RAB3GAP2: variants seen among roughly 807,000 people sequenced by gnomAD.
RAB3GAP2 encodes the protein rab3 GTPase-activating protein non-catalytic subunit.
In RAB3GAP2, 87 loss-of-function variants were observed where a neutral mutation model predicts 185.3. The observed-to-expected ratio is 0.47, with a 90% CI of 0.39 to 0.56. The LOEUF (loss-of-function observed/expected upper bound fraction) is 0.56. Among genes scored for constraint, RAB3GAP2 ranks in the 20% least tolerant of loss-of-function variants. RAB3GAP2 has a pLI of 0.00. For missense variants in RAB3GAP2, 1,492 were observed against 1,638.2 expected, an observed-to-expected ratio of 0.91 and a Z score of 1.54; for synonymous variants, 554 against 576.1, an observed-to-expected ratio of 0.96 and a Z score of 0.55.
intron 24 of RAB3GAP2, 30 bp downstream of exon 24, chr1:220,170,862 A>G (rs1007701131): frequency 2.6e-6 from 4 of 1,550,566 alleles, no homozygotes; most frequent in Non-Finnish European, 3.6e-6. Context: ...AAAAAAATGG[A>G]TGCAAATGCT....
chr1:220,228,800 T>C (rs377465738), intron 2 of RAB3GAP2, among the ~76,000 whole-genome samples: 10 of 152,356 alleles, frequency 6.6e-5, no homozygotes, highest in South Asian at 2.1e-4. Context: ...TCAACAATTT[T>C]CACTTGCTGT....
intron 2 of RAB3GAP2, among the ~76,000 whole-genome samples, chr1:220,231,820 G>A (rs1659505931): frequency 6.6e-6 from 1 of 152,204 alleles, no homozygotes; most frequent in African/African-American, 2.4e-5. Context: ...GAAGAAACAT[G>A]TTGTCCACAC....
At chr1:220,241,762 ATTAGTCAC>A (rs1659701163) in intron 1 of RAB3GAP2, among the ~76,000 whole-genome samples, 1 of 152,074 alleles carries the variant, frequency 6.6e-6, no homozygotes, top group Non-Finnish European at 1.5e-5. Context: ...TAAATTTCAT[ATTAGTCAC>A]TTAGTCACTT....
chr1:220,199,069 G>A (rs149922736), intron 9 of RAB3GAP2, among the ~76,000 whole-genome samples: 52 of 152,212 alleles, frequency 3.4e-4, no homozygotes, highest in Middle Eastern at 3.4e-3. Flanking sequence ...AACAGGGAGG[G>A]GAACCCTACA....
chr1:220,171,899 G>T lies in RAB3GAP2; in HGVS notation c.2567C>A (p.Thr856Lys). 2 of 1,613,868 alleles carry T rather than the reference G, an allele frequency of 1.2e-6. No individual in the cohort carries two copies. Among genetic ancestry groups the T allele is most frequent in the Non-Finnish European group, 1.7e-6 (2 of 1,179,980 alleles). The stretch of plus-strand genomic sequence containing the variant: ...CCTTTACCCACTTACTTTTTTCTCT[G>T]TCATGTTGTTTGATATCTGTGCAGC... ...SVAAQISNNM[T>K]EKKFSQTVLG... Residue 856 changes from threonine to lysine, a missense_variant, in exon 23 of 35, where the codon ACA becomes AAA. Thr to Lys is a moderately conservative substitution (Grantham distance 78). Transcript: ENST00000358951.
In RAB3GAP2 at chr1:220,182,313, T is replaced by C; in HGVS notation, c.2254A>G (p.Thr752Ala). 2 of 1,614,056 alleles carry C rather than the reference T, an allele frequency of 1.2e-6. No individual in the cohort carries two copies. The highest frequency in any genetic ancestry group is 1.7e-6 in the Non-Finnish European group (2 of 1,179,968). ...TCCAAAGTGTGACACATATCCTCAG[T>C]GGAGCTTTCTCCATGCAAACACTTC... Reference protein sequence around the residue: ...FWKCLHGESSTEDMCHTLESA... With the variant: ...FWKCLHGESSAEDMCHTLESA... Residue 752 changes from threonine to alanine, a missense_variant, in exon 21 of 35, where the codon ACT becomes GCT. Thr to Ala is a moderately conservative substitution (Grantham distance 58, BLOSUM62 0). Around this residue, in one of 5 missense-constraint regions of RAB3GAP2, gnomAD observed 681 missense variants for 689.1 expected, o/e 0.99. Transcript: ENST00000358951.
rs952652305 is a variant in RAB3GAP2, at chr1:220,151,176, G to A, written c.*75C>T. On this transcript the variant is annotated 3_prime_UTR_variant, in exon 35 of 35. Coordinates refer to ENST00000358951, the MANE Select transcript of RAB3GAP2 (RefSeq NM_012414.4). ...ACATACTTTTCCCATAAAATTCCAG[G>A]TCTTACTATGTAAAATAACCATGCA... The A allele has an allele frequency of 2.8e-6, 4 of 1,439,638 alleles. No homozygotes were observed. The highest frequency in any genetic ancestry group is 2.8e-5 in the African/African-American group (2 of 70,688). 89.2% of individuals were successfully genotyped at this position (1,439,638 alleles called of 1,614,324 possible).
chr1:220,196,409 A>G lies in RAB3GAP2; in HGVS notation c.812-11T>C, dbSNP rs1286043231. ...ACAGAGTCATAATACCTAATAAAAAAAAAAAAGTGATTTGAATGTACAATG... is the reference window on the plus strand; with the variant it reads ...ACAGAGTCATAATACCTAATAAAAAGAAAAAAGTGATTTGAATGTACAATG... On this transcript the variant is annotated splice_polypyrimidine_tract_variant and intron_variant, in intron 9 of 34. Transcript: ENST00000358951. 2 of 1,586,290 alleles carry G rather than the reference A, an allele frequency of 1.3e-6. No homozygotes were observed. Among genetic ancestry groups the G allele is most frequent in the Non-Finnish European group, 1.7e-6 (2 of 1,155,344 alleles).
chr1:220,211,425 G>T (rs1448779778), intron 4 of RAB3GAP2: 2 of 459,854 alleles, frequency 4.3e-6, no homozygotes, highest in Non-Finnish European at 8.7e-6. Flanking sequence ...TGGGCAAATG[G>T]TTGAGGAACT....
chr1:220,184,069 A>G lies in RAB3GAP2; in HGVS notation c.1965T>C (p.Leu655=), dbSNP rs1658463069. The G allele has an allele frequency of 2.5e-6, 4 of 1,593,284 alleles. No individual in the cohort carries two copies. Among genetic ancestry groups the G allele is most frequent in the African/African-American group, 2.7e-5 (2 of 74,454 alleles). The stretch of plus-strand genomic sequence containing the variant: ...AGAATGGTGTGTCTAAATGAAAATC[A>G]AGGGAATTTAATTGACTGACAGACT... ...LYESVSQLNS[L]DFHLDTPFSD... The change falls in exon 19 of 35, where the codon CTT becomes CTC. Residue 655 remains leucine, a synonymous_variant. Transcript: ENST00000358951.
At chr1:220,223,704 A>C (rs1220177531) in intron 2 of RAB3GAP2, among the ~76,000 whole-genome samples, 1 of 152,052 alleles carries the variant, frequency 6.6e-6, no homozygotes, top group Non-Finnish European at 1.5e-5. Flanking sequence ...TAAAAAAAAA[A>C]AACAATAGCA....
At chr1:220,218,139 T>G (rs1659233022) in intron 2 of RAB3GAP2, among the ~76,000 whole-genome samples, 1 of 152,196 alleles carries the variant, frequency 6.6e-6, no homozygotes, top group African/African-American at 2.4e-5. Context: ...GAATAAAACT[T>G]GATGTGGATT....
rs549119126 is a variant in RAB3GAP2 at position 220,190,190 on chromosome 1, T to C, written c.1632-44A>G. Reference sequence around the variant, plus strand: ...CAAATTATTACAGAATGTGAAATTATTTTCTTTCTAATTCTGACACACTCC... The same window carrying C: ...CAAATTATTACAGAATGTGAAATTACTTTCTTTCTAATTCTGACACACTCC... On this transcript the variant is annotated intron_variant, in intron 15 of 34. Coordinates refer to ENST00000358951, the MANE Select transcript of RAB3GAP2 (RefSeq NM_012414.4). 1.9e-6 allele frequency: 3 copies of C among 1,567,972 alleles called. No homozygotes were observed. In the South Asian group the frequency reaches 3.4e-5, roughly 18 times the overall value.
Position 220,239,989 on chromosome 1 carries a change from T to TA in RAB3GAP2, c.116-7127dup, listed in dbSNP as rs146214516. 1.3e-3 allele frequency among the ~76,000 whole-genome samples: 180 copies of TA among 135,002 alleles called. 1 individual carries two copies. The highest frequency in any genetic ancestry group is 7.9e-3 in the South Asian group (34 of 4,280). 88.6% of individuals were successfully genotyped at this position (135,002 alleles called of 152,430 possible). A position where few individuals can be genotyped will look rare whatever the true frequency, so the allele number is the denominator to read the frequency against. On this transcript the variant is annotated intron_variant, in intron 1 of 34. Coordinates refer to ENST00000358951, the MANE Select transcript of RAB3GAP2 (RefSeq NM_012414.4). Reference sequence around the variant, plus strand: ...ATAAACACCATGCCATTTTGAAGATTAAAAAAAAAAAAAAAAAAGAACACC... The same window carrying TA: ...ATAAACACCATGCCATTTTGAAGATTAAAAAAAAAAAAAAAAAAAGAACACC...
At chr1:220,163,143 T>C (rs1021723115) in intron 27 of RAB3GAP2, among the ~76,000 whole-genome samples, 2 of 152,078 alleles carry the variant, frequency 1.3e-5, no homozygotes, top group Admixed American at 1.3e-4. Flanking sequence ...TCACTACTCA[T>C]TGAGCTGTGG....
At chr1:220,261,847 G>C (rs1436725318) in intron 1 of RAB3GAP2, among the ~76,000 whole-genome samples, 1 of 152,158 alleles carries the variant, frequency 6.6e-6, no homozygotes, top group Admixed American at 6.5e-5. Flanking sequence ...GGTGAGCCAA[G>C]ATATTGATCC....
In RAB3GAP2 at chr1:220,158,301, T is replaced by C. The variant is rs141653628; in HGVS notation, c.3262-425A>G. On this transcript the variant is annotated intron_variant, in intron 29 of 34. Coordinates refer to ENST00000358951, the MANE Select transcript of RAB3GAP2 (RefSeq NM_012414.4). The surrounding 1 kb of genome is among the most constrained non-coding windows in gnomAD (Gnocchi z 4.3). ...CCTGGTCTGCTTTCAGAGCGTCTTT[T>C]AGAGACTGAACCCGACCCTCTGAGC... 6.3e-4 allele frequency among the ~76,000 whole-genome samples: 96 copies of C among 152,280 alleles called. No homozygotes were observed. The East Asian group carries it at 0.014, about 22-fold the overall frequency.
At chr1:220,252,183 A>G (rs553471310) in intron 1 of RAB3GAP2, among the ~76,000 whole-genome samples, 7 of 151,030 alleles carry the variant, frequency 4.6e-5, no homozygotes, top group African/African-American at 1.5e-4. Flanking sequence ...GAAAATGAAG[A>G]AAAAAAACAA....
chr1:220,254,247 C>T (rs1007564475), intron 1 of RAB3GAP2: 19 of 1,613,328 alleles, frequency 1.2e-5, no homozygotes, highest in East Asian at 2.2e-5. Context: ...AATACTTCAA[C>T]GTAATGTTGG....
Sources: allele counts gnomAD v4.1 joint callset (sites outside exome capture counted in the v4.1 genomes callset), GRCh38; gene constraint gnomAD v4.1.1; regional missense constraint gnomAD v4.1.1; non-coding constraint Gnocchi (gnomAD v3.1); transcripts MANE v1.5; gene names NCBI Gene and HGNC (gene_info 2026-07-23, HGNC 2026-07-21).